DNAH8: variants seen among roughly 807,000 people sequenced by gnomAD.
DNAH8 encodes dynein axonemal heavy chain 8.
Under a neutral mutation model 562.1 loss-of-function variants are expected in DNAH8, and 382 were observed. The observed-to-expected ratio is 0.68, with a 90% CI of 0.63 to 0.74. The LOEUF is 0.74. Among genes scored for constraint, DNAH8 ranks in the 30% least tolerant of loss-of-function variants. The pLI, the probability that DNAH8 is intolerant of heterozygous loss-of-function variation, is 0.00. For missense variants in DNAH8, 5,203 were observed against 5,620.4 expected, an observed-to-expected ratio of 0.93 and a Z score of 2.37; for synonymous variants, 1,881 against 1,919.4, an observed-to-expected ratio of 0.98 and a Z score of 0.52.
chr6:38,860,008 A>G (rs1776488905), intron 42 of DNAH8, among the ~76,000 whole-genome samples: 1 of 152,136 alleles, frequency 6.6e-6, no homozygotes, highest in South Asian at 2.1e-4. Flanking sequence ...GATCTTCTAG[A>G]CATTTGCCTA....
intron 7 of DNAH8, among the ~76,000 whole-genome samples, chr6:38,740,215 C>G (rs960434473): frequency 1.3e-5 from 2 of 152,046 alleles, no homozygotes; most frequent in South Asian, 2.1e-4. Context: ...AATTTTAAGA[C>G]TAATTTTTAA....
chr6:38,976,114 C>T (rs764045186), intron 85 of DNAH8, among the ~76,000 whole-genome samples: 7 of 152,192 alleles, frequency 4.6e-5, no homozygotes, highest in Non-Finnish European at 8.8e-5. Context: ...GGCTGAATAT[C>T]TCTTAAAATC....
chr6:39,019,175 G>A (rs1766745538), intron 91 of DNAH8, among the ~76,000 whole-genome samples: 1 of 152,132 alleles, frequency 6.6e-6, no homozygotes, highest in Non-Finnish European at 1.5e-5. Flanking sequence ...CAATCCCAGG[G>A]AGGAGGTAAA....
In DNAH8 at chr6:38,786,779, CT is replaced by C. The variant is rs1394057444; in HGVS notation, c.2415del (p.Phe805LeufsTer28). 5 of 1,611,142 alleles carry C rather than the reference CT, an allele frequency of 3.1e-6. No individual in the cohort carries two copies. The highest frequency in any genetic ancestry group is 4.2e-6 in the Non-Finnish European group (5 of 1,179,062). ...SQLHYALQAT[L>X]FVRHPETGKL... ...TTTATTTGTAGCTTTACAAGCCACGCTTTTTGTGCGACATCCAGAAACAGGG... is the reference window on the plus strand; with the variant it reads ...TTTATTTGTAGCTTTACAAGCCACGCTTTTGTGCGACATCCAGAAACAGGG... On this transcript the variant is annotated frameshift_variant, in exon 18 of 93. Coordinates refer to ENST00000327475, the MANE Select transcript of DNAH8 (RefSeq NM_001206927.2). LOFTEE classifies it high-confidence loss of function.
At chr6:38,838,862 T>C (rs1774531669) in intron 33 of DNAH8, among the ~76,000 whole-genome samples, 1 of 152,236 alleles carries the variant, frequency 6.6e-6, no homozygotes, top group African/African-American at 2.4e-5. Flanking sequence ...ATTTGAAATA[T>C]AACTTTCCTT....
chr6:38,972,171 T>C (rs1335634018), intron 83 of DNAH8: 1 of 152,254 alleles, frequency 6.6e-6, no homozygotes, highest in Admixed American at 6.5e-5. Flanking sequence ...TCACACCTAA[T>C]AAATACACAG....
chr6:38,907,597 G>A (rs1192265314), intron 63 of DNAH8, among the ~76,000 whole-genome samples: 1 of 152,208 alleles, frequency 6.6e-6, no homozygotes, highest in African/African-American at 2.4e-5. Context: ...GTATACAGAT[G>A]CTTAATGGTG....
At chr6:38,865,012 G>A (rs997593912) in intron 45 of DNAH8, among the ~76,000 whole-genome samples, 3 of 152,204 alleles carry the variant, frequency 2.0e-5, no homozygotes, top group African/African-American at 7.2e-5. Context: ...CGAAAGAATT[G>A]TAACAAATTC....
intron 91 of DNAH8, among the ~76,000 whole-genome samples, chr6:39,017,581 G>A (rs1766646154): frequency 6.6e-6 from 1 of 152,140 alleles, no homozygotes; most frequent in African/African-American, 2.4e-5. Flanking sequence ...TTTTCCGAAC[G>A]TTTAGCTCAA....
chr6:38,830,634 CAAAAAAAAAAAAAAA>C (rs56761180), intron 30 of DNAH8, among the ~76,000 whole-genome samples: 1 of 90,454 alleles, frequency 1.1e-5, no homozygotes, highest in African/African-American at 4.1e-5. Flanking sequence ...GACTCTATCT[CAAAAAAAAAAAAAAA>C]AAAAAAAAGA....
In DNAH8 at chr6:38,826,407, A is replaced by ATTT; in HGVS notation, c.4083+23_4083+25dup. The stretch of plus-strand genomic sequence containing the variant: ...ACCAATTGAAGTAAGAAATGATTGC[A>ATTT]TTTTTTTTTCTTGGAATGCTTTTTT... On this transcript the variant is annotated intron_variant, in intron 29 of 92. Coordinates refer to ENST00000327475, the MANE Select transcript of DNAH8 (RefSeq NM_001206927.2). The ATTT allele has an allele frequency of 6.8e-7, 1 of 1,477,250 alleles. No individual in the cohort carries two copies. The highest frequency in any genetic ancestry group is 9.2e-7 in the Non-Finnish European group (1 of 1,083,338). The allele number at this position is 1,477,250 out of a possible 1,614,324, so 91.5% of individuals were successfully genotyped here. A position where few individuals can be genotyped will look rare whatever the true frequency, so the allele number is the denominator to read the frequency against.
chr6:38,910,802 T>C (rs1300559120), intron 65 of DNAH8, among the ~76,000 whole-genome samples: 1 of 152,184 alleles, frequency 6.6e-6, no homozygotes, highest in African/African-American at 2.4e-5. Context: ...ATTAAAAATC[T>C]TCAAAACTAC....
chr6:39,018,322 CG>C (rs1369937363), intron 91 of DNAH8, among the ~76,000 whole-genome samples: 2 of 152,184 alleles, frequency 1.3e-5, no homozygotes, highest in Non-Finnish European at 2.9e-5. Flanking sequence ...GCTCTCTCCA[CG>C]GCCCTCATAT....
intron 16 of DNAH8, 26 bp downstream of exon 16, chr6:38,781,399 T>C: frequency 6.2e-7 from 1 of 1,611,722 alleles, no homozygotes; most frequent in Non-Finnish European, 8.5e-7. Flanking sequence ...AATTTTAATA[T>C]GTGGATTTTG....
intron 88 of DNAH8, among the ~76,000 whole-genome samples, chr6:39,003,503 G>A (rs774689798): frequency 2.6e-5 from 4 of 152,106 alleles, no homozygotes; most frequent in Non-Finnish European, 2.9e-5. Flanking sequence ...ACAGCAAAAA[G>A]AAACTAATAA....
In DNAH8 at chr6:38,851,367, C is replaced by A. The variant is rs548583393; in HGVS notation, c.5364-205C>A. On this transcript the variant is annotated intron_variant, in intron 38 of 92. Coordinates refer to ENST00000327475, the MANE Select transcript of DNAH8 (RefSeq NM_001206927.2). Reference sequence around the variant, plus strand: ...GACAGCAGATGATGGGGCAGCCTTGCTCTGAATCTCTTGTTTTCCCAAGTG... The same window carrying A: ...GACAGCAGATGATGGGGCAGCCTTGATCTGAATCTCTTGTTTTCCCAAGTG... Among the ~76,000 whole-genome samples, 57 of 152,310 alleles carry A rather than the reference C, an allele frequency of 3.7e-4. No homozygotes were observed. In the South Asian group the frequency reaches 0.011, roughly 30 times the overall value.
intron 56 of DNAH8, among the ~76,000 whole-genome samples, chr6:38,884,931 C>A (rs1778809305): frequency 1.3e-5 from 2 of 152,152 alleles, no homozygotes; most frequent in South Asian, 4.1e-4. Context: ...TCCCACCGAC[C>A]TACACTGCTT....
chr6:39,010,995 G>A (rs10484851), intron 89 of DNAH8, among the ~76,000 whole-genome samples: 16,719 of 152,008 alleles, frequency 0.11, 1,108 homozygotes, highest in Admixed American at 0.2. Context: ...AGGTTGCTAC[G>A]TCGGACTGCG....
At chr6:38,982,636 C>A (rs1482038432) in intron 86 of DNAH8, among the ~76,000 whole-genome samples, 174 bp downstream of exon 86, 1 of 152,182 alleles carries the variant, frequency 6.6e-6, no homozygotes, top group Non-Finnish European at 1.5e-5. Context: ...CTGCCCCCAA[C>A]ACTCACATAC....
Sources: allele counts gnomAD v4.1 joint callset (sites outside exome capture counted in the v4.1 genomes callset), GRCh38; gene constraint gnomAD v4.1.1; transcripts MANE v1.5; gene names NCBI Gene and HGNC (gene_info 2026-07-23, HGNC 2026-07-21).